The following UGT1A4 variants were observed in gnomAD, a reference collection of about 807,000 sequenced individuals.
UGT1A4 encodes the protein UDP glucuronosyltransferase family 1 member A4.
Under a neutral mutation model 41.1 loss-of-function variants are expected in UGT1A4, and 32 were observed. The ratio of observed to expected loss-of-function variants is 0.78; its 90% confidence interval spans 0.59 to 1.05. UGT1A4 has a LOEUF of 1.05. UGT1A4 is among the 50% of genes least tolerant of loss of function. The pLI is 0.00. For synonymous variants in UGT1A4, 283 were observed against 265.1 expected (o/e 1.07, Z -0.66); for missense variants, 748 against 677.4 (o/e 1.10, Z -1.16).
At chr2:233,732,140 G>GT (rs1352899510) in intron 1 of UGT1A4, among the ~76,000 whole-genome samples, 2 of 135,546 alleles carry the variant, frequency 1.5e-5, no homozygotes, top group East Asian at 2.0e-4. Flanking sequence ...TTGTTTGTTT[G>GT]TTTTTTTTCT....
In UGT1A4 at chr2:233,724,313, C is replaced by T. The variant is rs1238022468; in HGVS notation, c.867+4626C>T. ...CTGACCCCCCCACCTCCCTCCCGGA[C>T]GGGGCGGCTGGCCAGGCGGGGGGCT... On this transcript the variant is annotated intron_variant, in intron 1 of 4. Coordinates refer to ENST00000373409, the MANE Select transcript of UGT1A4 (RefSeq NM_007120.3). Among the ~76,000 whole-genome samples the T allele has an allele frequency of 7.3e-4, 99 of 136,280 alleles. No homozygotes were observed. In the Middle Eastern group the frequency reaches 0.011, roughly 16 times the overall value. 89.4% of individuals were successfully genotyped at this position (136,280 alleles called of 152,430 possible).
chr2:233,770,795 G>A (rs1575855208), intron 4 of UGT1A4: 1 of 152,228 alleles, frequency 6.6e-6, no homozygotes, highest in East Asian at 1.9e-4. Flanking sequence ...TTATAGATAT[G>A]TTTAAAGACA....
intron 1 of UGT1A4, among the ~76,000 whole-genome samples, chr2:233,757,479 A>C (rs1206962025): frequency 6.8e-6 from 1 of 148,148 alleles, no homozygotes; most frequent in Non-Finnish European, 1.5e-5. Flanking sequence ...CTCCAAAACC[A>C]TGGACTGGCA....
At chr2:233,743,995 GC>G (rs1271235263) in intron 1 of UGT1A4, 1 of 1,246,764 alleles carries the variant, frequency 8.0e-7, no homozygotes. Flanking sequence ...AGGCCCGAGT[GC>G]TCGGAGACCT....
At position 233,719,697 on chromosome 2, in the gene UGT1A4, G is replaced by C. The variant is rs768448140; in HGVS notation, c.867+10G>C. 1.2e-6 allele frequency: 2 copies of C among 1,613,928 alleles called. No homozygotes were observed. Among genetic ancestry groups the C allele is most frequent in the East Asian group, 4.5e-5 (2 of 44,880 alleles). ...GAAGCCACTATCTCAGGTCTGTATT[G>C]GTGCCTTCATCCAATCAATGTTCCA... On this transcript the variant is annotated intron_variant, in intron 1 of 4. Transcript: ENST00000373409.
At chr2:233,755,040 C>T (rs756883955) in intron 1 of UGT1A4, 1 of 1,322,900 alleles carries the variant, frequency 7.6e-7, no homozygotes, top group South Asian at 1.1e-5. Flanking sequence ...GCCGCCTGCG[C>T]AGCCGCCCTC....
Position 233,729,933 on chromosome 2 carries a change from C to T in UGT1A4, c.867+10246C>T, listed in dbSNP as rs759524268. The T allele has an allele frequency of 1.9e-5, 31 of 1,614,088 alleles. No homozygotes were observed. The African/African-American group carries it at 3.9e-4, about 20-fold the overall frequency. Reference sequence around the variant, plus strand: ...TTGTGATGGACTACCCCAGGCCAATCATGCCCAACATGGTCTTCATTGGGG... The same window carrying T: ...TTGTGATGGACTACCCCAGGCCAATTATGCCCAACATGGTCTTCATTGGGG... On this transcript the variant is annotated intron_variant, in intron 1 of 4. Transcript: ENST00000373409.
intron 1 of UGT1A4, among the ~76,000 whole-genome samples, chr2:233,732,038 A>G (rs541263635): frequency 3.5e-4 from 54 of 152,356 alleles, no homozygotes; most frequent in African/African-American, 1.2e-3. Context: ...ATGACCAGTG[A>G]TGATGAGCAT....
At chr2:233,760,016 C>G (rs1456599640) in intron 1 of UGT1A4, among the ~76,000 whole-genome samples, 1 of 152,148 alleles carries the variant, frequency 6.6e-6, no homozygotes, top group African/African-American at 2.4e-5. Flanking sequence ...TTTAATGGAT[C>G]CTGAGGTTCT....
At position 233,719,060 on chromosome 2, in the gene UGT1A4, T is replaced by C; in HGVS notation, c.240T>C (p.Tyr80=). The C allele has an allele frequency of 6.2e-7, 1 of 1,614,258 alleles. No homozygotes were observed. The highest frequency in any genetic ancestry group is 2.2e-5 in the East Asian group (1 of 44,890). The change falls in exon 1 of 5, where the codon TAT becomes TAC. Residue 80 remains tyrosine, a synonymous_variant. Transcript: ENST00000373409. The part of the protein sequence containing the change: ...KEEKFFTLTA[Y]AVPWTQKEFD... ...AGAAATTTTTCACCCTGACAGCCTA[T>C]GCTGTTCCATGGACCCAGAAGGAAT...
chr2:233,762,242 T>C (rs1400660032), intron 1 of UGT1A4, among the ~76,000 whole-genome samples: 1 of 152,116 alleles, frequency 6.6e-6, no homozygotes, highest in Non-Finnish European at 1.5e-5. Flanking sequence ...AGGCACAGAA[T>C]AGGCACCCAC....
intron 1 of UGT1A4, among the ~76,000 whole-genome samples, chr2:233,724,861 A>T (rs2077325347): frequency 7.8e-6 from 1 of 128,420 alleles, no homozygotes; most frequent in African/African-American, 3.4e-5. Context: ...TGGGAGGTGT[A>T]GGTTGTAGTG....
chr2:233,768,515 C>T (rs548796271), intron 4 of UGT1A4, 76 bp downstream of exon 4: 42 of 1,546,024 alleles, frequency 2.7e-5, no homozygotes, highest in African/African-American at 1.8e-4. Context: ...AAAACATTTA[C>T]GTAGCATTTA....
chr2:233,760,385 T>A (rs368348566), intron 1 of UGT1A4: 30 of 1,614,058 alleles, frequency 1.9e-5, no homozygotes, highest in Non-Finnish European at 2.5e-5. Flanking sequence ...ATACTGTTGA[T>A]CCCAGTGGAT....
At chr2:233,729,397 C>T (rs762751427) in intron 1 of UGT1A4, 64 of 1,613,538 alleles carry the variant, frequency 4.0e-5, no homozygotes, top group Non-Finnish European at 4.6e-5. Flanking sequence ...TGAATTTGAT[C>T]GCCATGTGCT....
chr2:233,753,212 A>G (rs1264665367), intron 1 of UGT1A4: 1 of 152,196 alleles, frequency 6.6e-6, no homozygotes, highest in Non-Finnish European at 1.5e-5. Context: ...AGTCTGTCTT[A>G]TTTTGATACT....
intron 1 of UGT1A4, among the ~76,000 whole-genome samples, chr2:233,726,280 G>C (rs906128531): frequency 6.6e-6 from 1 of 152,198 alleles, no homozygotes; most frequent in Non-Finnish European, 1.5e-5. Context: ...ATGGTCCCAG[G>C]TACTTGGGAG....
chr2:233,724,981 G>A lies in UGT1A4; in HGVS notation c.867+5294G>A, dbSNP rs528946654. Among the ~76,000 whole-genome samples, 6 of 134,964 alleles carry A rather than the reference G, an allele frequency of 4.4e-5. 1 individual carries two copies. Among genetic ancestry groups the A allele is most frequent in the South Asian group, 2.4e-4 (1 of 4,092 alleles). The allele number at this position is 134,964 out of a possible 152,430, so 88.5% of individuals were successfully genotyped here. On this transcript the variant is annotated intron_variant, in intron 1 of 4. Transcript: ENST00000373409. ...GGAGGCCGAGGTTGGCGGATCACTC[G>A]CGGTTAGGGGCTGGAGACCGGCCCG...
chr2:233,729,260 G>T (rs774974731), intron 1 of UGT1A4: 2 of 1,614,092 alleles, frequency 1.2e-6, no homozygotes, highest in East Asian at 2.2e-5. Flanking sequence ...CTCAGCATGC[G>T]GGAGGTCTTG....
Sources: allele counts gnomAD v4.1 joint callset (sites outside exome capture counted in the v4.1 genomes callset), GRCh38; gene constraint gnomAD v4.1.1; transcripts MANE v1.5; gene names NCBI Gene and HGNC (gene_info 2026-07-23, HGNC 2026-07-21).